Variants in EXTL3 observed in about 807,000 individuals in gnomAD.
EXTL3 encodes exostosin-like 3.
In EXTL3, 27 loss-of-function variants were observed where a neutral mutation model predicts 69.3. The ratio of observed to expected loss-of-function variants is 0.39; its 90% CI spans 0.29 to 0.54. The LOEUF (loss-of-function observed/expected upper bound fraction) is 0.54. EXTL3 is among the 20% of genes least tolerant of loss of function. The pLI is 0.69. For synonymous variants in EXTL3, 511 were observed against 499.4 expected (o/e 1.02, Z -0.31); for missense variants, 1,003 against 1,231.8 (o/e 0.81, Z 2.78).
At chr8:28,638,041 T>C (rs572371064) in intron 1 of EXTL3, among the ~76,000 whole-genome samples, 1 of 152,260 alleles carries the variant, frequency 6.6e-6, no homozygotes, top group Non-Finnish European at 1.5e-5. Context: ...TCTCTTCTGC[T>C]GGCCCTGTCC....
intron 6 of EXTL3, among the ~76,000 whole-genome samples, chr8:28,746,821 G>A (rs757824493): frequency 3.3e-5 from 5 of 152,046 alleles, no homozygotes; most frequent in African/African-American, 9.7e-5. Flanking sequence ...GACTATAGGC[G>A]TGTGCCACCA....
At chr8:28,681,576 G>C (rs1465999703) in intron 1 of EXTL3, among the ~76,000 whole-genome samples, 1 of 151,994 alleles carries the variant, frequency 6.6e-6, no homozygotes, top group Non-Finnish European at 1.5e-5. Context: ...TTCATATTTT[G>C]GCTATTGTAA....
Position 28,750,673 on chromosome 8 carries a change from C to T in EXTL3, c.2567C>T (p.Thr856Ile). ...CGTTTCCAGGTGACCTCACGGTGGA[C>T]ATTCCGATGCCCAGGATGCCCTCAG... Reference protein sequence around the residue: ...KPPIKVTSRWTFRCPGCPQAL... With the variant: ...KPPIKVTSRWIFRCPGCPQAL... Residue 856 changes from threonine (T) to isoleucine (I), a missense_variant, in exon 7 of 7, where the codon ACA becomes ATA. Thr to Ile is a moderately conservative substitution (Grantham distance 89, BLOSUM62 -1). Around this residue, in one of 2 missense-constraint regions of EXTL3, gnomAD observed 261 missense variants for 416.4 expected, o/e 0.63. Coordinates refer to ENST00000220562, the MANE Select transcript of EXTL3 (RefSeq NM_001440.4). This position sits in a 1 kb window ranked among gnomAD's most constrained non-coding sequence, Gnocchi z 5.2. 6.2e-7 allele frequency: 1 copy of T among 1,614,102 alleles called. No individual in the cohort carries two copies. The highest frequency in any genetic ancestry group is 8.5e-7 in the Non-Finnish European group (1 of 1,179,952).
intron 1 of EXTL3, among the ~76,000 whole-genome samples, chr8:28,652,660 A>C (rs1174471742): frequency 6.7e-6 from 1 of 150,054 alleles, no homozygotes; most frequent in Non-Finnish European, 1.5e-5. Flanking sequence ...TCTCAAAAAA[A>C]ATATATAGAT....
intron 4 of EXTL3, 21 bp downstream of exon 4, chr8:28,731,371 C>G (rs776138469): frequency 3.7e-6 from 6 of 1,614,082 alleles, no homozygotes; most frequent in Non-Finnish European, 4.2e-6. Context: ...AATTTCCAAT[C>G]AAAACTTTAG....
chr8:28,702,302 C>T (rs1800824896), intron 1 of EXTL3, among the ~76,000 whole-genome samples: 1 of 152,242 alleles, frequency 6.6e-6, no homozygotes, highest in Non-Finnish European at 1.5e-5. Flanking sequence ...CTCCCAGGCC[C>T]AGCTCCCCTA....
intron 1 of EXTL3, among the ~76,000 whole-genome samples, chr8:28,652,025 T>TTGTGTGTGTGTGTGTG (rs113760212): frequency 6.6e-6 from 1 of 151,296 alleles, no homozygotes; most frequent in African/African-American, 2.4e-5. Context: ...TAATATTCCA[T>TTGTGTGTGTGTGTGTG]TGTGTGTGTG....
Position 28,755,394 on chromosome 8 carries a change from TCACTTA to T in EXTL3, c.*4529_*4534del, listed in dbSNP as rs1802099573. On this transcript the variant is annotated 3_prime_UTR_variant, in exon 7 of 7. Transcript: ENST00000220562. ...GAATGCTTTGACAAAGTGAAGAGGGTCACTTAGAAATCACAGCTTAGGCAAATTGTT... is the reference window on the plus strand; with the variant it reads ...GAATGCTTTGACAAAGTGAAGAGGGTGAAATCACAGCTTAGGCAAATTGTT... 1 of 152,306 alleles carries T rather than the reference TCACTTA, an allele frequency of 6.6e-6. No homozygotes were observed. The allele number at this position is 152,306 out of a possible 1,614,324, so 9.4% of individuals were successfully genotyped here. A position where few individuals can be genotyped will look rare whatever the true frequency, so the allele number is the denominator to read the frequency against.
chr8:28,642,445 CAAA>C (rs34884110), intron 1 of EXTL3, among the ~76,000 whole-genome samples: 87 of 91,916 alleles, frequency 9.5e-4, no homozygotes, highest in African/African-American at 2.8e-3. Context: ...AACACTGTCT[CAAA>C]AAAAAAAAAA....
At chr8:28,641,512 T>C (rs1333103936) in intron 1 of EXTL3, among the ~76,000 whole-genome samples, 2 of 152,252 alleles carry the variant, frequency 1.3e-5, no homozygotes, top group African/African-American at 4.8e-5. Flanking sequence ...AGTCTCACTC[T>C]TTCCTCCAGG....
intron 6 of EXTL3, among the ~76,000 whole-genome samples, chr8:28,745,350 A>C (rs1441768327): frequency 2.0e-5 from 3 of 152,254 alleles, no homozygotes. Flanking sequence ...TCTGTTGCCG[A>C]GACTTCTGCT....
chr8:28,727,090 TAGCC>T (rs1302649728), intron 3 of EXTL3, among the ~76,000 whole-genome samples: 2 of 152,024 alleles, frequency 1.3e-5, no homozygotes, highest in African/African-American at 4.8e-5. Context: ...TTTGCCATAT[TAGCC>T]AGGCTGGTCT....
In EXTL3 at chr8:28,623,234, C is replaced by T. The variant is rs1806442134; in HGVS notation, c.-53+424C>T. ...GTAAGCGGCATCTGCCACGCGCCCGCCTCGCGCGCTGTCAGGAGGCGCTGT... is the reference window on the plus strand; with the variant it reads ...GTAAGCGGCATCTGCCACGCGCCCGTCTCGCGCGCTGTCAGGAGGCGCTGT... On this transcript the variant is annotated intron_variant, in intron 1 of 6. Coordinates refer to the EXTL3 transcript ENST00000523149. This position sits in a 1 kb window ranked among gnomAD's most constrained non-coding sequence, Gnocchi z 4.2. Among the ~76,000 whole-genome samples, 1 of 152,176 alleles carries T rather than the reference C, an allele frequency of 6.6e-6. No homozygotes were observed. The highest frequency in any genetic ancestry group is 1.5e-5 in the Non-Finnish European group (1 of 68,030).
chr8:28,682,636 G>T (rs1457445698), intron 1 of EXTL3, among the ~76,000 whole-genome samples: 1 of 152,028 alleles, frequency 6.6e-6, no homozygotes, highest in Admixed American at 6.6e-5. Context: ...TAGAGATGAG[G>T]TTTCACCATG....
intron 1 of EXTL3, among the ~76,000 whole-genome samples, chr8:28,654,635 T>C (rs1383993053): frequency 6.6e-6 from 1 of 152,202 alleles, no homozygotes; most frequent in African/African-American, 2.4e-5. Context: ...TATTGTTGAA[T>C]CCATGTTCAA....
At position 28,716,282 on chromosome 8, in the gene EXTL3, G is replaced by A. The variant is rs776636386; in HGVS notation, c.223G>A (p.Glu75Lys). 3.1e-6 allele frequency: 5 copies of A among 1,614,256 alleles called. No individual in the cohort carries two copies. The highest frequency in any genetic ancestry group is 1.7e-5 in the Admixed American group (1 of 60,036). Residue 75 changes from glutamate to lysine, a missense_variant, in exon 3 of 7, where the codon GAG (glutamate) becomes AAG (lysine). Coordinates refer to ENST00000220562, the MANE Select transcript of EXTL3 (RefSeq NM_001440.4). The surrounding 1 kb of genome is among the most constrained non-coding windows in gnomAD (Gnocchi z 7.1). ...TCCCCGGGTGGGGAACGAGCTGTGC[G>A]AGGTGAAGCACGTGCTGGATCTGTG... ...FGPRVGNELC[E>K]VKHVLDLCRI...
chr8:28,663,058 C>T lies in EXTL3; in HGVS notation c.-53+40248C>T, dbSNP rs76757654. On this transcript the variant is annotated intron_variant, in intron 1 of 6. Coordinates refer to the EXTL3 transcript ENST00000523149. Reference sequence around the variant, plus strand: ...AGCCAAAAACCCTATGCTGATTTATCGTCAAAAATAATTTTTAATGCTCTA... The same window carrying T: ...AGCCAAAAACCCTATGCTGATTTATTGTCAAAAATAATTTTTAATGCTCTA... Among the ~76,000 whole-genome samples the T allele has an allele frequency of 5.5e-3, 843 of 152,264 alleles. 41 individuals are homozygous for T. In the East Asian group the frequency reaches 0.12, roughly 22 times the overall value.
intron 1 of EXTL3, among the ~76,000 whole-genome samples, chr8:28,661,502 A>AAT (rs935907645): frequency 6.6e-6 from 1 of 152,084 alleles, no homozygotes; most frequent in African/African-American, 2.4e-5. Flanking sequence ...CCTTAACATG[A>AAT]ATATATATAT....
chr8:28,724,066 T>C (rs1228141455), intron 3 of EXTL3, among the ~76,000 whole-genome samples: 2 of 152,100 alleles, frequency 1.3e-5, no homozygotes, highest in Non-Finnish European at 1.5e-5. Context: ...AGAAAATGTA[T>C]AAAAATTAAA....
Sources: allele counts gnomAD v4.1 joint callset (sites outside exome capture counted in the v4.1 genomes callset), GRCh38; gene constraint gnomAD v4.1.1; regional missense constraint gnomAD v4.1.1; non-coding constraint Gnocchi (gnomAD v3.1); transcripts MANE v1.5; gene names NCBI Gene and HGNC (gene_info 2026-07-23, HGNC 2026-07-21).